CDC42: variants seen among roughly 807,000 people sequenced by gnomAD.
The protein encoded by CDC42 is cell division control protein 42 homolog.
In CDC42, 1 loss-of-function variant was observed where a neutral mutation model predicts 20.8. The ratio of observed to expected loss-of-function variants is 0.05; its 90% CI spans 0.02 to 0.23. The LOEUF (loss-of-function observed/expected upper bound fraction) is 0.23, where lower values mean the gene tolerates loss of function less well. Among genes scored for constraint, CDC42 ranks in the 10% least tolerant of loss-of-function variants. CDC42 has a pLI of 1.00. For missense variants in CDC42, 49 were observed against 227.9 expected, an observed-to-expected ratio of 0.21 and a Z score of 5.05; for synonymous variants, 72 against 84.8, an observed-to-expected ratio of 0.85 and a Z score of 0.83.
chr1:22,085,244 A>AAAAAAAG (rs373016657), intron 3 of CDC42, among the ~76,000 whole-genome samples: 1,910 of 135,914 alleles, frequency 0.014, 69 homozygotes, highest in South Asian at 0.022. Flanking sequence ...AAAAAAAAAA[A>AAAAAAAG]AAAAGAAAAA....
intron 3 of CDC42, among the ~76,000 whole-genome samples, chr1:22,082,569 T>G (rs1279675735): frequency 6.6e-6 from 1 of 152,194 alleles, no homozygotes; most frequent in Non-Finnish European, 1.5e-5. Context: ...CAGAAAGATA[T>G]CCTTTAGAGT....
At position 22,094,518 on chromosome 1, in the gene CDC42, C is replaced by T. The variant is rs980099038; in HGVS notation, c.*3001C>T. On this transcript the variant is annotated 3_prime_UTR_variant, in exon 6 of 6. Transcript: ENST00000656825. ...TTCACCGTGTTAGCCAGAATGGTCTCGATCTCCTGACCTCGTGATCCGCCC... is the reference window on the plus strand; with the variant it reads ...TTCACCGTGTTAGCCAGAATGGTCTTGATCTCCTGACCTCGTGATCCGCCC... Among the ~76,000 whole-genome samples, 11 of 147,256 alleles carry T rather than the reference C, an allele frequency of 7.5e-5. No individual in the cohort carries two copies. The highest frequency in any genetic ancestry group is 2.4e-4 in the African/African-American group (9 of 37,794).
intron 1 of CDC42, among the ~76,000 whole-genome samples, chr1:22,066,113 T>G (rs1217209187): frequency 2.6e-5 from 4 of 152,216 alleles, no homozygotes; most frequent in African/African-American, 9.6e-5. Context: ...AGAATTTTAT[T>G]TTTTCTTGCC....
intron 3 of CDC42, among the ~76,000 whole-genome samples, chr1:22,083,363 G>A (rs1041126642): frequency 9.2e-5 from 14 of 151,974 alleles, no homozygotes; most frequent in African/African-American, 3.4e-4. Context: ...AGCACTTTGG[G>A]AGGCTGAGAC....
Position 22,094,593 on chromosome 1 carries a change from G to A in CDC42, c.*3076G>A, listed in dbSNP as rs1281584061. Among the ~76,000 whole-genome samples, 1 of 148,734 alleles carries A rather than the reference G, an allele frequency of 6.7e-6. No individual in the cohort carries two copies. The highest frequency in any genetic ancestry group is 2.6e-5 in the African/African-American group (1 of 38,268). ...ATTACAGGCGTGAGCCACCGCGCCC[G>A]GCCAGAAATAGATTTTATAGTTAAA... On this transcript the variant is annotated 3_prime_UTR_variant, in exon 6 of 6. Transcript: ENST00000656825.
At chr1:22,061,997 G>T (rs1055997333) in intron 1 of CDC42, among the ~76,000 whole-genome samples, 2 of 151,972 alleles carry the variant, frequency 1.3e-5, no homozygotes, top group Non-Finnish European at 2.9e-5. Context: ...GGAGTGCAGT[G>T]GCGTGATCTT....
rs546582575 is a variant in CDC42 at position 22,099,728 on chromosome 1, A to C, written c.*8211A>C. On this transcript the variant is annotated 3_prime_UTR_variant, in exon 6 of 6. Transcript: ENST00000656825. ...TTAGAGGATCTAAAGGTGTAGCTTT[A>C]GAGGATTGTAGGGTGCCTTTGCCCA... Among the ~76,000 whole-genome samples the C allele has an allele frequency of 2.0e-5, 3 of 152,270 alleles. No homozygotes were observed. The highest frequency in any genetic ancestry group is 3.9e-4 in the East Asian group (2 of 5,164).
At chr1:22,076,627 G>A (rs937725768) in intron 1 of CDC42, among the ~76,000 whole-genome samples, 9 of 152,190 alleles carry the variant, frequency 5.9e-5, no homozygotes, top group Non-Finnish European at 1.3e-4. Flanking sequence ...GTGAATATGT[G>A]TAATATGTTT....
At chr1:22,082,877 TTTTA>T (rs1398590201) in intron 3 of CDC42, among the ~76,000 whole-genome samples, 3 of 149,488 alleles carry the variant, frequency 2.0e-5, no homozygotes, top group African/African-American at 4.9e-5. Context: ...CAGAGAAAAT[TTTTA>T]TTTTTTTTTT....
chr1:22,089,985 C>A, intron 5 of CDC42: 2 of 1,614,022 alleles, frequency 1.2e-6, no homozygotes, highest in Non-Finnish European at 1.7e-6. Context: ...CCTAGCTGCC[C>A]TCGAGCCTCC....
intron 1 of CDC42, among the ~76,000 whole-genome samples, chr1:22,071,077 T>A (rs1258401350): frequency 7.3e-6 from 1 of 137,028 alleles, no homozygotes; most frequent in African/African-American, 2.8e-5. Context: ...GGAGTCTCGC[T>A]CTGTTGCCCA....
chr1:22,073,623 C>T (rs1645517040), intron 1 of CDC42, among the ~76,000 whole-genome samples: 1 of 151,918 alleles, frequency 6.6e-6, no homozygotes, highest in South Asian at 2.1e-4. Context: ...GAAGATATAC[C>T]TTATTTCACA....
At chr1:22,053,878 C>T (rs186779653) in intron 1 of CDC42, among the ~76,000 whole-genome samples, 1 of 152,308 alleles carries the variant, frequency 6.6e-6, no homozygotes, top group East Asian at 1.9e-4. Context: ...AAGTGTAAGA[C>T]AACACCGTCC....
intron 3 of CDC42, among the ~76,000 whole-genome samples, chr1:22,085,904 GAT>G (rs1645656795): frequency 6.6e-6 from 1 of 152,152 alleles, no homozygotes; most frequent in South Asian, 2.1e-4. Flanking sequence ...GGAGTACAGT[GAT>G]GCCATCTCGG....
At chr1:22,067,302 G>T (rs764533001) in intron 1 of CDC42, among the ~76,000 whole-genome samples, 8 of 151,972 alleles carry the variant, frequency 5.3e-5, no homozygotes, top group Non-Finnish European at 8.8e-5. Context: ...CCTGCTTTGT[G>T]GTTCATAGAT....
In CDC42 at chr1:22,086,648, T is replaced by C. The variant is rs1339489856; in HGVS notation, c.289-21T>C. On this transcript the variant is annotated intron_variant, in intron 4 of 5. Coordinates refer to ENST00000656825, the MANE Select transcript of CDC42 (RefSeq NM_001791.4). ...AGGCTTGTTGATTAACAAAGGTGTATTTTAAAATACCTTTTTTTAGTGGGT... is the reference window on the plus strand; with the variant it reads ...AGGCTTGTTGATTAACAAAGGTGTACTTTAAAATACCTTTTTTTAGTGGGT... 4.3e-6 allele frequency: 7 copies of C among 1,612,234 alleles called. No individual in the cohort carries two copies. In the South Asian group the frequency reaches 7.7e-5, roughly 18 times the overall value.
chr1:22,094,530 C>G lies in CDC42; in HGVS notation c.*3013C>G, dbSNP rs1403580377. 6.8e-6 allele frequency among the ~76,000 whole-genome samples: 1 copy of G among 147,832 alleles called. No homozygotes were observed. The highest frequency in any genetic ancestry group is 2.6e-5 in the African/African-American group (1 of 37,938). ...GCCAGAATGGTCTCGATCTCCTGAC[C>G]TCGTGATCCGCCCGCCTCGGCCTCC... On this transcript the variant is annotated 3_prime_UTR_variant, in exon 6 of 6. Coordinates refer to ENST00000656825, the MANE Select transcript of CDC42 (RefSeq NM_001791.4).
rs185994994 is a variant in CDC42 at position 22,090,226 on chromosome 1, G to A, written c.487-1202G>A. The A allele has an allele frequency of 2.6e-5, 33 of 1,268,848 alleles. 1 individual carries two copies. In the Admixed American group the frequency reaches 1.1e-3, roughly 41 times the overall value. The allele number at this position is 1,268,848 out of a possible 1,614,324, so 78.6% of individuals were successfully genotyped here. A position where few individuals can be genotyped will look rare whatever the true frequency, so the allele number is the denominator to read the frequency against. ...TAAATTTTTTGTGATCAGTAGTCAA[G>A]TTGGACTTGTTTTAACGTTCTGCTG... On this transcript the variant is annotated intron_variant, in intron 5 of 5. Transcript: ENST00000656825.
At position 22,052,742 on chromosome 1, in the gene CDC42, G is replaced by A. The variant is rs1423081711; in HGVS notation, c.-51G>A. ...GCCAACGCCCCGGTGGAGAAGCTGA[G>A]GTGAGTGCGGGGCCCGAGGTTCCCC... On this transcript the variant is annotated splice_region_variant and 5_prime_UTR_variant, in exon 1 of 6. Coordinates refer to ENST00000656825, the MANE Select transcript of CDC42 (RefSeq NM_001791.4). 4 of 152,896 alleles carry A rather than the reference G, an allele frequency of 2.6e-5. No homozygotes were observed. The highest frequency in any genetic ancestry group is 2.9e-5 in the Non-Finnish European group (2 of 68,212). 9.5% of individuals were successfully genotyped at this position (152,896 alleles called of 1,614,324 possible). A position where few individuals can be genotyped will look rare whatever the true frequency, so the allele number is the denominator to read the frequency against.
Sources: gnomAD v4.1 joint callset for allele counts (sites outside exome capture counted in the v4.1 genomes callset) on GRCh38, gnomAD v4.1.1 for gene constraint, MANE v1.5 for transcripts, NCBI Gene and HGNC (gene_info 2026-07-23, HGNC 2026-07-21) for gene names.